Variants in MYOM1 observed in about 807,000 individuals in gnomAD.
The protein encoded by MYOM1 is myomesin 1.
A neutral mutation model predicts 205.3 loss-of-function variants in MYOM1; 164 were observed. The observed-to-expected ratio is 0.80, with a 90% CI of 0.70 to 0.91. The LOEUF (loss-of-function observed/expected upper bound fraction) is 0.91, where lower values mean the gene tolerates loss of function less well. Ranked by LOEUF, MYOM1 falls within the 40% of genes least tolerant of loss-of-function variation. The pLI is 0.00. For synonymous variants in MYOM1, 772 were observed against 789.4 expected (o/e 0.98, Z 0.37); for missense variants, 2,011 against 2,127.3 (o/e 0.95, Z 1.08).
intron 22 of MYOM1, among the ~76,000 whole-genome samples, chr18:3,104,840 C>T (rs750478841): frequency 7.3e-6 from 1 of 137,394 alleles, no homozygotes; most frequent in Non-Finnish European, 1.5e-5. Context: ...GTGGCCTTGG[C>T]CTCCCAGGTC....
At chr18:3,169,851 T>C (rs1318755483) in intron 8 of MYOM1, among the ~76,000 whole-genome samples, 2 of 152,226 alleles carry the variant, frequency 1.3e-5, no homozygotes, top group Non-Finnish European at 2.9e-5. Context: ...CTCCGATGTT[T>C]ATTGCAGCCC....
At chr18:3,171,264 T>A (rs2080552644) in intron 8 of MYOM1, among the ~76,000 whole-genome samples, 1 of 152,124 alleles carries the variant, frequency 6.6e-6, no homozygotes, top group East Asian at 1.9e-4. Flanking sequence ...CTGCCTCACT[T>A]TTTTTTATGT....
chr18:3,128,506 C>T (rs1474252145), intron 18 of MYOM1, among the ~76,000 whole-genome samples: 1 of 152,126 alleles, frequency 6.6e-6, no homozygotes, highest in Non-Finnish European at 1.5e-5. Context: ...TAAATCACTT[C>T]TGGGAATGAG....
chr18:3,098,140 T>C (rs2079329160), intron 25 of MYOM1, among the ~76,000 whole-genome samples: 1 of 152,270 alleles, frequency 6.6e-6, no homozygotes, highest in South Asian at 2.1e-4. Context: ...CTTATGTAGC[T>C]TGGAGACTTC....
intron 1 of MYOM1, among the ~76,000 whole-genome samples, chr18:3,216,015 C>A (rs1326214504): frequency 6.6e-6 from 1 of 152,180 alleles, no homozygotes; most frequent in Admixed American, 6.5e-5. Context: ...CGCCTGTAAT[C>A]CCAGCACTTT....
chr18:3,194,863 C>T (rs6417014), intron 2 of MYOM1, among the ~76,000 whole-genome samples: 81,830 of 150,934 alleles, frequency 0.54, 23,395 homozygotes, highest in African/African-American at 0.74. Context: ...GTATGGGAAC[C>T]CTCTGCACTA....
the MYOM1 span, among the ~76,000 whole-genome samples, chr18:3,245,039 G>C: frequency 6.6e-6 from 1 of 152,024 alleles, no homozygotes; most frequent in African/African-American, 2.4e-5. Flanking sequence ...CTGCAAGTCA[G>C]GATGAGGGCC....
chr18:3,077,389 G>C (rs984935059), intron 34 of MYOM1, among the ~76,000 whole-genome samples: 1 of 152,144 alleles, frequency 6.6e-6, no homozygotes, highest in Non-Finnish European at 1.5e-5. Flanking sequence ...CATATTTTAA[G>C]TCTAGAGAAT....
chr18:3,088,221 G>A (rs1445445493), intron 29 of MYOM1, among the ~76,000 whole-genome samples: 1 of 152,162 alleles, frequency 6.6e-6, no homozygotes, highest in Non-Finnish European at 1.5e-5. Context: ...AGAAGGCGAG[G>A]GATGTGTGGG....
At position 3,135,994 on chromosome 18, in the gene MYOM1, G is replaced by C. The variant is rs1483128680; in HGVS notation, c.2026-264C>G. 6.6e-6 allele frequency among the ~76,000 whole-genome samples: 1 copy of C among 152,140 alleles called. No individual in the cohort carries two copies. The highest frequency in any genetic ancestry group is 2.4e-5 in the African/African-American group (1 of 41,416). On this transcript the variant is annotated intron_variant, in intron 14 of 37. Coordinates refer to ENST00000356443, the MANE Select transcript of MYOM1 (RefSeq NM_003803.4). This position sits in a 1 kb window ranked among gnomAD's most constrained non-coding sequence, Gnocchi z 4.1. ...TAGCTCCCATAATTCCCATGTGTGT[G>C]GGAGGGACCTGGTGGGAGATAATTG...
rs1418197557 is a variant in MYOM1, at chr18:3,179,062, T to G, written c.930-2928A>C. Among the ~76,000 whole-genome samples, 1 of 152,112 alleles carries G rather than the reference T, an allele frequency of 6.6e-6. No homozygotes were observed. The highest frequency in any genetic ancestry group is 2.4e-5 in the African/African-American group (1 of 41,408). On this transcript the variant is annotated intron_variant, in intron 5 of 37. Coordinates refer to ENST00000356443, the MANE Select transcript of MYOM1 (RefSeq NM_003803.4). This position sits in a 1 kb window ranked among gnomAD's most constrained non-coding sequence, Gnocchi z 4.4. ...TTTTCTATTTTTTGTAGAGACAGGCTCTTGCTATGTTGCCTATGCTGGTCT... is the reference window on the plus strand; with the variant it reads ...TTTTCTATTTTTTGTAGAGACAGGCGCTTGCTATGTTGCCTATGCTGGTCT...
At chr18:3,159,930 CTTCCTTCT>C (rs1365204189) in intron 10 of MYOM1, among the ~76,000 whole-genome samples, 3 of 122,578 alleles carry the variant, frequency 2.4e-5, no homozygotes, top group Admixed American at 9.3e-5. Flanking sequence ...TCCTTCCTTC[CTTCCTTCT>C]CTCCTTCCCT....
At chr18:3,098,735 A>T (rs1344092666) in intron 25 of MYOM1, among the ~76,000 whole-genome samples, 3 of 152,198 alleles carry the variant, frequency 2.0e-5, no homozygotes, top group Admixed American at 2.0e-4. Context: ...ACTTTGCAAT[A>T]CACTTTAGTA....
chr18:3,116,626 T>A lies in MYOM1; in HGVS notation c.3119-111A>T. 3.0e-6 allele frequency: 3 copies of A among 997,560 alleles called. No individual in the cohort carries two copies. In the South Asian group the frequency reaches 7.3e-5, roughly 24 times the overall value. The allele number at this position is 997,560 out of a possible 1,614,324, so 61.8% of individuals were successfully genotyped here. A position where few individuals can be genotyped will look rare whatever the true frequency, so the allele number is the denominator to read the frequency against. On this transcript the variant is annotated intron_variant, in intron 20 of 37. Transcript: ENST00000356443. ...CTAATCTAACACTGGTGTTCTTTTT[T>A]CAAAATCTAGCTTTCCCATGAAAAA...
intron 13 of MYOM1, among the ~76,000 whole-genome samples, chr18:3,146,926 G>T (rs989099213): frequency 2.0e-5 from 3 of 150,990 alleles, no homozygotes; most frequent in Non-Finnish European, 4.4e-5. Flanking sequence ...GTTCAGCAAG[G>T]ATGCAGGACA....
At chr18:3,184,855 T>C (rs950689411) in intron 5 of MYOM1, among the ~76,000 whole-genome samples, 3 of 152,216 alleles carry the variant, frequency 2.0e-5, no homozygotes, top group African/African-American at 7.2e-5. Flanking sequence ...CCAGTACTTC[T>C]GGAGAGGAAG....
At chr18:3,203,626 G>A (rs1274791869) in intron 2 of MYOM1, among the ~76,000 whole-genome samples, 1 of 151,464 alleles carries the variant, frequency 6.6e-6, no homozygotes, top group Non-Finnish European at 1.5e-5. Flanking sequence ...TAAAGAACTC[G>A]AATTGGTAAT....
intron 5 of MYOM1, among the ~76,000 whole-genome samples, chr18:3,178,708 T>C (rs549416057): frequency 6.6e-6 from 1 of 152,316 alleles, no homozygotes; most frequent in South Asian, 2.1e-4. Flanking sequence ...TTCAATAAAC[T>C]CTTCCCTAAA....
In MYOM1 at chr18:3,164,328, A is replaced by G; in HGVS notation, c.1451T>C (p.Val484Ala). Residue 484 changes from valine (V) to alanine (A), a missense_variant, in exon 10 of 38, where the codon GTA (valine) becomes GCA (alanine). Val to Ala is a moderately conservative substitution (Grantham distance 64, BLOSUM62 0). Coordinates refer to ENST00000356443, the MANE Select transcript of MYOM1 (RefSeq NM_003803.4). ...KEDEGLYTIR[V>A]RMGEYYEQYS... The stretch of plus-strand genomic sequence containing the variant: ...TTGTTCATAATATTCTCCCATCCGT[A>G]CACGGATTGTATAGAGGCCTTCATC... 6.2e-7 allele frequency: 1 copy of G among 1,613,016 alleles called. No individual in the cohort carries two copies. The highest frequency in any genetic ancestry group is 8.5e-7 in the Non-Finnish European group (1 of 1,179,404).
Sources: gnomAD v4.1 joint callset for allele counts (sites outside exome capture counted in the v4.1 genomes callset) on GRCh38, gnomAD v4.1.1 for gene constraint, Gnocchi (gnomAD v3.1) non-coding constraint, MANE v1.5 for transcripts, NCBI Gene and HGNC (gene_info 2026-07-23, HGNC 2026-07-21) for gene names.